The following AFAP1L1 variants were observed in gnomAD, a reference collection of about 807,000 sequenced individuals.
AFAP1L1 encodes actin filament associated protein 1 like 1.
Under a neutral mutation model 99.8 loss-of-function variants are expected in AFAP1L1, and 77 were observed. The observed-to-expected ratio is 0.77, with a 90% CI of 0.64 to 0.93. The LOEUF is 0.93. Among genes scored for constraint, AFAP1L1 ranks in the 40% least tolerant of loss-of-function variants. The pLI is 0.00. For synonymous variants in AFAP1L1, 373 were observed against 395.3 expected, an observed-to-expected ratio of 0.94 and a Z score of 0.67; for missense variants, 893 against 996.8, an observed-to-expected ratio of 0.90 and a Z score of 1.40.
intron 16 of AFAP1L1, among the ~76,000 whole-genome samples, chr5:149,332,053 G>A (rs1055729995): frequency 6.6e-6 from 1 of 152,132 alleles, no homozygotes; most frequent in Non-Finnish European, 1.5e-5. Flanking sequence ...TAAGTTATGT[G>A]CCAAACCCTG....
At position 149,329,676 on chromosome 5, in the gene AFAP1L1, A is replaced by G. The variant is rs1757195579; in HGVS notation, c.1821A>G (p.Gln607=). Reference sequence around the variant, plus strand: ...CCCATATCTCTGCAGGTGCCAATCAATACAAGTATGGCAAGAACCGAGCCG... The same window carrying G: ...CCCATATCTCTGCAGGTGCCAATCAGTACAAGTATGGCAAGAACCGAGCCG... The part of the protein sequence containing the change: ...KVKRHASSAN[Q]YKYGKNRAEE... The change falls in exon 16 of 19, where the codon CAA becomes CAG. Residue 607 remains glutamine (Q), a synonymous_variant. Coordinates refer to ENST00000296721, the MANE Select transcript of AFAP1L1 (RefSeq NM_152406.4). 6.2e-7 allele frequency: 1 copy of G among 1,613,520 alleles called. No individual in the cohort carries two copies.
rs543250492 is a variant in AFAP1L1 at position 149,332,849 on chromosome 5, C to T, written c.2130C>T (p.Ser710=). 25 of 1,604,888 alleles carry T rather than the reference C, an allele frequency of 1.6e-5. No homozygotes were observed. Among genetic ancestry groups the T allele is most frequent in the South Asian group, 1.2e-4 (11 of 89,998 alleles). Residue 710 remains serine, a synonymous_variant, in exon 17 of 19, where the codon TCC becomes TCT. Coordinates refer to ENST00000296721, the MANE Select transcript of AFAP1L1 (RefSeq NM_152406.4). ...CAGGAGGGCCAGCCCTGGGGCTCTC[C>T]GTGAGCAGCAAGCCCAAGAGTGGGG... ...SLAGGPALGL[S]VSSKPKSGET... is the part of the protein sequence containing the mutation.
chr5:149,288,275 T>A (rs1258338688), intron 1 of AFAP1L1, among the ~76,000 whole-genome samples: 2 of 152,198 alleles, frequency 1.3e-5, no homozygotes, highest in Non-Finnish European at 1.5e-5. Context: ...AGGTCTAGGT[T>A]TGAATCTTAA....
At chr5:149,274,925 T>A (rs1755264837) in intron 1 of AFAP1L1, among the ~76,000 whole-genome samples, 1 of 151,668 alleles carries the variant, frequency 6.6e-6, no homozygotes, top group Non-Finnish European at 1.5e-5. Flanking sequence ...ACCTTTCTTG[T>A]ACCCCTGTTC....
intron 1 of AFAP1L1, 59 bp from the exon 2 acceptor site, chr5:149,299,450 C>A: frequency 6.3e-7 from 1 of 1,598,714 alleles, no homozygotes. Flanking sequence ...GGGCCGAACT[C>A]CCGGGCACAG....
intron 4 of AFAP1L1, 140 bp downstream of exon 4, chr5:149,301,370 G>A: frequency 4.7e-6 from 3 of 642,066 alleles, no homozygotes; most frequent in Admixed American, 5.5e-5. Flanking sequence ...TGAGGGCACA[G>A]GCAGCACCAT....
chr5:149,307,818 T>TTCTTTCTCTCTCTCTCTC (rs1756473593), intron 7 of AFAP1L1, among the ~76,000 whole-genome samples: 2 of 100,504 alleles, frequency 2.0e-5, no homozygotes, highest in East Asian at 3.3e-4. Context: ...GTGCCTCTCT[T>TTCTTTCTCTCTCTCTCTC]TCTCTCTCTC....
Position 149,301,350 on chromosome 5 carries a change from G to A in AFAP1L1, c.327+120G>A, listed in dbSNP as rs1561668791. The A allele has an allele frequency of 7.4e-6, 6 of 807,930 alleles. No individual in the cohort carries two copies. The South Asian group carries it at 1.0e-4, about 14-fold the overall frequency. 50.0% of individuals were successfully genotyped at this position (807,930 alleles called of 1,614,324 possible). A position where few individuals can be genotyped will look rare whatever the true frequency, so the allele number is the denominator to read the frequency against. ...GGTTCTGGACCCTGTTGTCTCTCTCGGGTTGTGGGTGAGGGCACAGGCAGC... is the reference window on the plus strand; with the variant it reads ...GGTTCTGGACCCTGTTGTCTCTCTCAGGTTGTGGGTGAGGGCACAGGCAGC... On this transcript the variant is annotated intron_variant, in intron 4 of 18. Coordinates refer to ENST00000296721, the MANE Select transcript of AFAP1L1 (RefSeq NM_152406.4).
At chr5:149,284,423 T>A (rs1189229511) in intron 1 of AFAP1L1, among the ~76,000 whole-genome samples, 2 of 152,338 alleles carry the variant, frequency 1.3e-5, no homozygotes, top group Admixed American at 1.3e-4. Context: ...CTATCTACGA[T>A]GAGGGCTCAT....
chr5:149,280,404 C>T (rs931451907), intron 1 of AFAP1L1, among the ~76,000 whole-genome samples: 1 of 152,156 alleles, frequency 6.6e-6, no homozygotes, highest in African/African-American at 2.4e-5. Flanking sequence ...CAGAATCACC[C>T]CCTGTGGAGC....
At chr5:149,303,903 G>A (rs1756315702) in intron 5 of AFAP1L1, among the ~76,000 whole-genome samples, 1 of 152,108 alleles carries the variant, frequency 6.6e-6, no homozygotes, top group African/African-American at 2.4e-5. Flanking sequence ...ACCATTTCAA[G>A]CTGTCCAGCA....
intron 15 of AFAP1L1, among the ~76,000 whole-genome samples, chr5:149,329,165 ATAT>A (rs1255178886): frequency 6.6e-6 from 1 of 152,228 alleles, no homozygotes; most frequent in African/African-American, 2.4e-5. Context: ...TTTTTTAATA[ATAT>A]TATCATTATT....
At chr5:149,315,785 G>C in intron 9 of AFAP1L1, 36 bp from the exon 10 acceptor site, 1 of 1,581,684 alleles carries the variant, frequency 6.3e-7, no homozygotes, top group Non-Finnish European at 8.7e-7. Flanking sequence ...TTCTGAATGT[G>C]CCCTCTGATG....
At chr5:149,305,733 T>C (rs1000970211) in intron 5 of AFAP1L1, among the ~76,000 whole-genome samples, 4 of 152,108 alleles carry the variant, frequency 2.6e-5, no homozygotes, top group African/African-American at 9.7e-5. Flanking sequence ...CAATTCTTTC[T>C]TTGCAGTCCC....
chr5:149,291,458 G>A (rs564694733), intron 1 of AFAP1L1, among the ~76,000 whole-genome samples: 3 of 148,234 alleles, frequency 2.0e-5, no homozygotes, highest in East Asian at 2.0e-4. Context: ...CCCAGGAGGC[G>A]GAGGTTGCAG....
chr5:149,279,803 C>T (rs1581285552), intron 1 of AFAP1L1, among the ~76,000 whole-genome samples: 1 of 152,310 alleles, frequency 6.6e-6, no homozygotes, highest in East Asian at 1.9e-4. Context: ...TGTGCCTTCA[C>T]CTGGTTCACC....
chr5:149,312,483 G>GA, intron 9 of AFAP1L1: 1 of 479,724 alleles, frequency 2.1e-6, no homozygotes, highest in Non-Finnish European at 3.8e-6. Flanking sequence ...ATTGTGCCAT[G>GA]AAAAATAAGT....
rs1370119286 is a variant in AFAP1L1 at position 149,320,896 on chromosome 5, A to T, written c.1698+433A>T. Among the ~76,000 whole-genome samples, 1 of 152,188 alleles carries T rather than the reference A, an allele frequency of 6.6e-6. No individual in the cohort carries two copies. The highest frequency in any genetic ancestry group is 1.5e-5 in the Non-Finnish European group (1 of 68,028). On this transcript the variant is annotated intron_variant, in intron 14 of 18. Coordinates refer to ENST00000296721, the MANE Select transcript of AFAP1L1 (RefSeq NM_152406.4). The surrounding 1 kb of genome is among the most constrained non-coding windows in gnomAD (Gnocchi z 4.0). Reference sequence around the variant, plus strand: ...AGCTTCAGCTCCCAGGCCAGTCTCCATGTTTTGCTTGCTAAGCCAGGGAGA... The same window carrying T: ...AGCTTCAGCTCCCAGGCCAGTCTCCTTGTTTTGCTTGCTAAGCCAGGGAGA...
chr5:149,287,843 A>G (rs569948917), intron 1 of AFAP1L1, among the ~76,000 whole-genome samples: 2 of 151,540 alleles, frequency 1.3e-5, no homozygotes, highest in Admixed American at 1.3e-4. Flanking sequence ...CAGCCTCCCA[A>G]AGTGCTGGGA....
Sources: gnomAD v4.1 joint callset for allele counts (sites outside exome capture counted in the v4.1 genomes callset) on GRCh38, gnomAD v4.1.1 for gene constraint, Gnocchi (gnomAD v3.1) non-coding constraint, MANE v1.5 for transcripts, NCBI Gene and HGNC (gene_info 2026-07-23, HGNC 2026-07-21) for gene names.